The following NXPH1 variants were observed in gnomAD, a reference collection of about 807,000 sequenced individuals.
NXPH1 encodes neurexophilin 1, also known as neurexophilin-1.
A neutral mutation model predicts 23.7 loss-of-function variants in NXPH1; 5 were observed. The observed-to-expected ratio is 0.21, with a 90% CI of 0.11 to 0.44. NXPH1 has a LOEUF of 0.44. Ranked by LOEUF, NXPH1 falls within the 20% of genes least tolerant of loss-of-function variation. The pLI, the probability that NXPH1 is intolerant of heterozygous loss-of-function variation, is 0.99. For missense variants in NXPH1, 324 were observed against 321.6 expected (o/e 1.01, Z -0.06); for synonymous variants, 144 against 122.2 (o/e 1.18, Z -1.18).
chr7:8,604,001 T>C (rs1376761014), intron 2 of NXPH1, among the ~76,000 whole-genome samples: 1 of 152,116 alleles, frequency 6.6e-6, no homozygotes, highest in Admixed American at 6.6e-5. Context: ...TTGTTCTTTC[T>C]TGGGACAAAT....
chr7:8,538,001 A>G (rs1248581053), intron 2 of NXPH1, among the ~76,000 whole-genome samples: 3 of 151,934 alleles, frequency 2.0e-5, no homozygotes, highest in African/African-American at 7.2e-5. Context: ...GCTACCAATG[A>G]TAGTAACAAT....
intron 2 of NXPH1, among the ~76,000 whole-genome samples, chr7:8,532,453 C>G (rs1174285223): frequency 1.4e-5 from 1 of 73,492 alleles, no homozygotes; most frequent in Non-Finnish European, 2.5e-5. Flanking sequence ...TGAAATTATC[C>G]TTTCATATTT....
At chr7:8,604,288 C>A (rs1190407997) in intron 2 of NXPH1, among the ~76,000 whole-genome samples, 3 of 152,058 alleles carry the variant, frequency 2.0e-5, no homozygotes, top group Non-Finnish European at 4.4e-5. Context: ...ATAGCCTGAT[C>A]TTTTATATTT....
At chr7:8,455,780 T>C (rs534733938) in intron 2 of NXPH1, among the ~76,000 whole-genome samples, 5 of 152,364 alleles carry the variant, frequency 3.3e-5, no homozygotes, top group African/African-American at 1.2e-4. Context: ...TATCAGATGC[T>C]GTTGGAGCCA....
chr7:8,479,706 A>T (rs1304608828), intron 2 of NXPH1, among the ~76,000 whole-genome samples: 1 of 152,174 alleles, frequency 6.6e-6, no homozygotes, highest in Non-Finnish European at 1.5e-5. Context: ...TTGTTAAATC[A>T]TATAGCTAGG....
chr7:8,609,336 T>G (rs1005924505), intron 2 of NXPH1, among the ~76,000 whole-genome samples: 2 of 152,132 alleles, frequency 1.3e-5, no homozygotes, highest in Non-Finnish European at 2.9e-5. Flanking sequence ...GGCTTTATAG[T>G]TTACATTTTG....
At chr7:8,659,930 T>TGC (rs1820645951) in intron 2 of NXPH1, among the ~76,000 whole-genome samples, 4 of 151,888 alleles carry the variant, frequency 2.6e-5, no homozygotes, top group Admixed American at 6.6e-5. Context: ...ATTGTGCAGA[T>TGC]AAACAATTTG....
At chr7:8,631,788 A>T (rs1820134739) in intron 2 of NXPH1, among the ~76,000 whole-genome samples, 1 of 152,182 alleles carries the variant, frequency 6.6e-6, no homozygotes, top group Non-Finnish European at 1.5e-5. Flanking sequence ...ATTCTATTCT[A>T]TTCTTTAATT....
At chr7:8,581,601 G>T (rs1818874282) in intron 2 of NXPH1, among the ~76,000 whole-genome samples, 1 of 152,166 alleles carries the variant, frequency 6.6e-6, no homozygotes, top group African/African-American at 2.4e-5. Flanking sequence ...CGTGAGATTT[G>T]AGTGGGGATA....
chr7:8,656,186 G>A (rs1195094619), intron 2 of NXPH1, among the ~76,000 whole-genome samples: 2 of 152,120 alleles, frequency 1.3e-5, no homozygotes, highest in Non-Finnish European at 2.9e-5. Context: ...CGTAGCAAAG[G>A]CAAAATATTC....
At chr7:8,727,569 T>C (rs10248152) in intron 2 of NXPH1, among the ~76,000 whole-genome samples, 38,644 of 152,006 alleles carry the variant, frequency 0.25, 5,053 homozygotes, top group African/African-American at 0.31. Context: ...TAGCCAGGTT[T>C]CCCAGCACCA....
chr7:8,643,348 T>G (rs879459625), intron 2 of NXPH1, among the ~76,000 whole-genome samples: 1 of 152,168 alleles, frequency 6.6e-6, no homozygotes, highest in Admixed American at 6.5e-5. Context: ...GATTTGAGGC[T>G]ATGATGAATT....
At chr7:8,522,332 G>T (rs1235241513) in intron 2 of NXPH1, among the ~76,000 whole-genome samples, 2 of 152,172 alleles carry the variant, frequency 1.3e-5, no homozygotes, top group Non-Finnish European at 2.9e-5. Context: ...TGTTGACAAT[G>T]CAGGCATAGC....
At chr7:8,644,480 T>C (rs1820364445) in intron 2 of NXPH1, among the ~76,000 whole-genome samples, 1 of 152,170 alleles carries the variant, frequency 6.6e-6, no homozygotes, top group East Asian at 1.9e-4. Context: ...CGTCTCTTTA[T>C]TCTCTTGTCT....
intron 2 of NXPH1, among the ~76,000 whole-genome samples, chr7:8,518,861 T>C (rs1817727019): frequency 2.6e-5 from 4 of 152,134 alleles, no homozygotes; most frequent in Admixed American, 2.6e-4. Context: ...GTTGAAGTAA[T>C]ATAGGGGCAA....
intron 2 of NXPH1, among the ~76,000 whole-genome samples, chr7:8,736,123 T>A (rs1373974206): frequency 1.3e-5 from 2 of 152,200 alleles, no homozygotes; most frequent in Non-Finnish European, 2.9e-5. Flanking sequence ...TGTGTCTCTA[T>A]CTCCTTCAGT....
intron 2 of NXPH1, among the ~76,000 whole-genome samples, chr7:8,704,729 T>C (rs1475408848): frequency 6.6e-6 from 1 of 151,670 alleles, no homozygotes; most frequent in African/African-American, 2.4e-5. Flanking sequence ...TAAACACTTT[T>C]CTAAAATATC....
intron 2 of NXPH1, among the ~76,000 whole-genome samples, chr7:8,470,631 A>G (rs897546527): frequency 6.6e-6 from 1 of 152,186 alleles, no homozygotes; most frequent in African/African-American, 2.4e-5. Context: ...CTGGAAGTTC[A>G]TGAGAGGGTG....
At position 8,498,052 on chromosome 7, in the gene NXPH1, A is replaced by G. The variant is rs192436495; in HGVS notation, c.54+62285A>G. Among the ~76,000 whole-genome samples the G allele has an allele frequency of 5.7e-3, 863 of 152,228 alleles. 7 individuals carry two copies. The highest frequency in any genetic ancestry group is 0.019 in the African/African-American group (800 of 41,564). On this transcript the variant is annotated intron_variant, in intron 2 of 2. Coordinates refer to ENST00000405863, the MANE Select transcript of NXPH1 (RefSeq NM_152745.3). ...ACTGAAGTTTCCTCCTCTGTATGAG[A>G]CAATCATAGGGCTCTGCTTATTTTG...
Sources: allele counts gnomAD v4.1 joint callset (sites outside exome capture counted in the v4.1 genomes callset), GRCh38; gene constraint gnomAD v4.1.1; transcripts MANE v1.5; gene names NCBI Gene and HGNC (gene_info 2026-07-23, HGNC 2026-07-21).